ALK: variants seen among roughly 807,000 people sequenced by gnomAD.
The protein encoded by ALK is ALK receptor tyrosine kinase, also known as ALK tyrosine kinase receptor.
ALK carries 74 observed loss-of-function variants against 163.1 expected under a neutral mutation model. That is an observed-to-expected ratio of 0.45 (90% CI 0.38 to 0.55). The LOEUF (loss-of-function observed/expected upper bound fraction) is 0.55. ALK is among the 20% of genes least tolerant of loss of function. The probability of loss-of-function intolerance (pLI) is 0.00; values close to 1 mark genes in which losing one functional copy is unlikely to be tolerated. For synonymous variants in ALK, 960 were observed against 843.2 expected (o/e 1.14, Z -2.40); for missense variants, 2,063 against 2,105.3 (o/e 0.98, Z 0.39).
intron 3 of ALK, among the ~76,000 whole-genome samples, chr2:29,692,411 A>G (rs1293875363): frequency 2.0e-5 from 3 of 152,250 alleles, no homozygotes; most frequent in African/African-American, 7.2e-5. Flanking sequence ...TTTTGGCATC[A>G]AGGACTAGTT....
chr2:29,523,462 A>T (rs192599646), intron 4 of ALK, among the ~76,000 whole-genome samples: 2 of 152,242 alleles, frequency 1.3e-5, no homozygotes, highest in African/African-American at 4.8e-5. Context: ...ACTGAGCATG[A>T]CTCATAGACA....
chr2:29,254,121 T>G (rs1458311380), intron 11 of ALK, among the ~76,000 whole-genome samples: 2 of 152,204 alleles, frequency 1.3e-5, no homozygotes, highest in African/African-American at 4.8e-5. Flanking sequence ...CCTGCCATCA[T>G]GTGAAGAACA....
intron 1 of ALK, among the ~76,000 whole-genome samples, chr2:29,785,278 G>A (rs1377149007): frequency 2.0e-5 from 3 of 152,102 alleles, no homozygotes; most frequent in Non-Finnish European, 4.4e-5. Context: ...TGAGGGGAGT[G>A]GGGAGGTGGG....
At chr2:29,705,788 C>T (rs1310728312) in intron 2 of ALK, among the ~76,000 whole-genome samples, 1 of 152,208 alleles carries the variant, frequency 6.6e-6, no homozygotes, top group Admixed American at 6.5e-5. Flanking sequence ...GAGTGCCCTG[C>T]ATGGTGACTT....
At chr2:29,570,534 G>T (rs1674328599) in intron 3 of ALK, among the ~76,000 whole-genome samples, 1 of 152,208 alleles carries the variant, frequency 6.6e-6, no homozygotes, top group East Asian at 1.9e-4. Flanking sequence ...AGGTCAAACA[G>T]CCTGAGACAC....
intron 4 of ALK, among the ~76,000 whole-genome samples, chr2:29,412,832 T>C (rs911240020): frequency 6.6e-6 from 1 of 152,368 alleles, no homozygotes; most frequent in African/African-American, 2.4e-5. Flanking sequence ...GCCATGGTGC[T>C]GAGAGGGATA....
At chr2:29,775,581 A>G (rs1681154304) in intron 1 of ALK, among the ~76,000 whole-genome samples, 1 of 152,082 alleles carries the variant, frequency 6.6e-6, no homozygotes, top group African/African-American at 2.4e-5. Flanking sequence ...AAAAGAGAGA[A>G]TGGGTCTCTC....
At chr2:29,763,112 G>A (rs952690321) in intron 1 of ALK, among the ~76,000 whole-genome samples, 2 of 150,866 alleles carry the variant, frequency 1.3e-5, no homozygotes, top group Admixed American at 6.6e-5. Context: ...AAAAAAATAG[G>A]ACTCTGAAGT....
At chr2:29,796,741 C>CA (rs1360920287) in intron 1 of ALK, among the ~76,000 whole-genome samples, 1 of 152,046 alleles carries the variant, frequency 6.6e-6, no homozygotes, top group Non-Finnish European at 1.5e-5. Flanking sequence ...CAGAAAGATG[C>CA]AAATGGAGCT....
At chr2:29,576,933 A>G (rs1022860450) in intron 3 of ALK, among the ~76,000 whole-genome samples, 3 of 151,962 alleles carry the variant, frequency 2.0e-5, no homozygotes, top group Non-Finnish European at 2.9e-5. Flanking sequence ...ATTATGGTGA[A>G]TTGTATAATT....
chr2:29,445,166 T>C (rs915386530), intron 4 of ALK, among the ~76,000 whole-genome samples: 14 of 152,176 alleles, frequency 9.2e-5, no homozygotes, highest in Non-Finnish European at 2.1e-4. Context: ...ACCCTTTCTA[T>C]ATAGCTTAGC....
At chr2:29,389,571 C>T (rs1024952545) in intron 4 of ALK, among the ~76,000 whole-genome samples, 2 of 152,182 alleles carry the variant, frequency 1.3e-5, no homozygotes, top group African/African-American at 4.8e-5. Context: ...CATCACATGT[C>T]TCCAATGCCT....
chr2:29,318,816 T>G (rs1321882953), intron 7 of ALK, among the ~76,000 whole-genome samples: 1 of 152,128 alleles, frequency 6.6e-6, no homozygotes, highest in Non-Finnish European at 1.5e-5. Context: ...TCTGCCCGTC[T>G]CGGCCTCCCA....
At chr2:29,280,931 A>AG (rs1665700593) in intron 9 of ALK, among the ~76,000 whole-genome samples, 1 of 151,426 alleles carries the variant, frequency 6.6e-6, no homozygotes, top group Admixed American at 6.6e-5. Context: ...TCTGGGACTG[A>AG]GGGAAGGTTC....
At chr2:29,398,122 T>C (rs10204295) in intron 4 of ALK, among the ~76,000 whole-genome samples, 62,519 of 152,066 alleles carry the variant, frequency 0.41, 13,776 homozygotes, top group South Asian at 0.56. Flanking sequence ...CAGGGGCACA[T>C]GCAGGAGCCA....
chr2:29,611,577 A>T (rs1272024737), intron 3 of ALK, among the ~76,000 whole-genome samples: 1 of 152,168 alleles, frequency 6.6e-6, no homozygotes, highest in Non-Finnish European at 1.5e-5. Context: ...TAAATAAATG[A>T]TATGGCTTGG....
chr2:29,277,860 T>C (rs1475436787), intron 9 of ALK, among the ~76,000 whole-genome samples: 2 of 152,242 alleles, frequency 1.3e-5, no homozygotes, highest in African/African-American at 4.8e-5. Context: ...CCAACCTTGA[T>C]ACACACCTAT....
intron 4 of ALK, among the ~76,000 whole-genome samples, chr2:29,514,734 C>T (rs1672616747): frequency 6.6e-6 from 1 of 152,192 alleles, no homozygotes; most frequent in African/African-American, 2.4e-5. Context: ...AAAATATCTT[C>T]TCCTCTTTCC....
intron 3 of ALK, among the ~76,000 whole-genome samples, chr2:29,632,370 G>C (rs970131650): frequency 6.6e-6 from 1 of 152,102 alleles, no homozygotes; most frequent in Non-Finnish European, 1.5e-5. Flanking sequence ...TGGAGATAGG[G>C]ATCTTAAGAG....
Sources: allele counts gnomAD v4.1 joint callset (sites outside exome capture counted in the v4.1 genomes callset), GRCh38; gene constraint gnomAD v4.1.1; transcripts MANE v1.5; gene names NCBI Gene and HGNC (gene_info 2026-07-23, HGNC 2026-07-21).